ITGA9: variants seen among roughly 807,000 people sequenced by gnomAD.
The protein encoded by ITGA9 is integrin subunit alpha 9, also known as integrin alpha-9.
A neutral mutation model predicts 127.8 loss-of-function variants in ITGA9; 56 were observed. The ratio of observed to expected loss-of-function variants is 0.44; its 90% CI spans 0.35 to 0.55. The LOEUF is 0.55. Ranked by LOEUF, ITGA9 falls within the 20% of genes least tolerant of loss-of-function variation. ITGA9 has a pLI of 0.00. For missense variants in ITGA9, 1,196 were observed against 1,347.1 expected (o/e 0.89, Z 1.76); for synonymous variants, 508 against 514.5 (o/e 0.99, Z 0.17).
chr3:37,457,616 T>G (rs1698275074), intron 1 of ITGA9, among the ~76,000 whole-genome samples: 1 of 152,182 alleles, frequency 6.6e-6, no homozygotes, highest in African/African-American at 2.4e-5. Context: ...GAAATGGCAT[T>G]TTCAGACATT....
chr3:37,483,031 G>A (rs1321198564), intron 4 of ITGA9, among the ~76,000 whole-genome samples: 2 of 152,120 alleles, frequency 1.3e-5, no homozygotes, highest in East Asian at 3.9e-4. Flanking sequence ...TTTTCCTAAG[G>A]AAGAAAAAGG....
chr3:37,524,710 A>T (rs893390413), intron 12 of ITGA9, among the ~76,000 whole-genome samples: 4 of 152,098 alleles, frequency 2.6e-5, no homozygotes, highest in Non-Finnish European at 4.4e-5. Context: ...TCCCCACTTT[A>T]TAAACAAGGA....
chr3:37,472,194 T>C (rs552083381), intron 2 of ITGA9, among the ~76,000 whole-genome samples: 1 of 152,342 alleles, frequency 6.6e-6, no homozygotes, highest in South Asian at 2.1e-4. Context: ...TGGGCCTCAG[T>C]TCCCTCACCT....
At chr3:37,751,527 A>T (rs1369641857) in intron 23 of ITGA9, among the ~76,000 whole-genome samples, 1 of 152,108 alleles carries the variant, frequency 6.6e-6, no homozygotes, top group Non-Finnish European at 1.5e-5. Context: ...GGGCAAAATC[A>T]TCTATTGACC....
chr3:37,818,969 T>C lies in ITGA9; in HGVS notation c.3088T>C (p.Trp1030Arg). Residue 1030 changes from tryptophan to arginine, a missense_variant, in exon 28 of 28, where the codon TGG (tryptophan) becomes CGG (arginine). Transcript: ENST00000264741. ...GAAAGAGAATGAAGACAGTTGGGAC[T>C]GGGTCCAGAAAAACCAGTGAGCTGC... ...NRKENEDSWD[W>R]VQKNQ 1 of 1,613,830 alleles carries C rather than the reference T, an allele frequency of 6.2e-7. No individual in the cohort carries two copies. Among genetic ancestry groups the C allele is most frequent in the Non-Finnish European group, 8.5e-7 (1 of 1,179,672 alleles).
At chr3:37,484,380 C>T (rs1684281268) in intron 4 of ITGA9, among the ~76,000 whole-genome samples, 1 of 152,110 alleles carries the variant, frequency 6.6e-6, no homozygotes, top group Admixed American at 6.5e-5. Flanking sequence ...TGAGAGGGCT[C>T]TTGTCTGTGC....
intron 17 of ITGA9, among the ~76,000 whole-genome samples, chr3:37,664,036 G>A (rs1378603047): frequency 2.0e-5 from 3 of 152,212 alleles, no homozygotes; most frequent in East Asian, 1.9e-4. Context: ...CTGAGGCGGT[G>A]CAGAGGCTCA....
At position 37,732,777 on chromosome 3, in the gene ITGA9, T is replaced by G. The variant is rs1382524553; in HGVS notation, c.2133T>G (p.Pro711=). The change falls in exon 19 of 28, where the codon CCT becomes CCG. Residue 711 remains proline (P), a synonymous_variant. Transcript: ENST00000264741. ...SDFLKCSVGF[P]FMRSKSKYEF... ...TCCTCAAATGCAGCGTGGGATTTCC[T>G]TTCATGAGGTCAAAGTCAAAGGTAA... 6.2e-7 allele frequency: 1 copy of G among 1,610,826 alleles called. No individual in the cohort carries two copies. Among genetic ancestry groups the G allele is most frequent in the East Asian group, 2.2e-5 (1 of 44,804 alleles).
chr3:37,775,209 C>G (rs1696892046), intron 23 of ITGA9, among the ~76,000 whole-genome samples: 1 of 152,182 alleles, frequency 6.6e-6, no homozygotes, highest in Admixed American at 6.5e-5. Flanking sequence ...GGGCAAAGGA[C>G]ATGAACAGAC....
chr3:37,732,564 G>C (rs1466688737), intron 18 of ITGA9, 148 bp from the exon 19 acceptor site: 2 of 700,474 alleles, frequency 2.9e-6, no homozygotes. Flanking sequence ...GCTGGAAGGG[G>C]GCTGGAGACG....
intron 16 of ITGA9, among the ~76,000 whole-genome samples, chr3:37,642,873 T>C (rs371206047): frequency 1.3e-5 from 2 of 152,354 alleles, no homozygotes; most frequent in African/African-American, 4.8e-5. Context: ...ATATAGCTCA[T>C]GCTATGGAAA....
In ITGA9 at chr3:37,741,798, A is replaced by G; in HGVS notation, c.2303A>G (p.Glu768Gly). ...TLVLMVPLMH[E>G]VDTSITGIMS... Reference sequence around the variant, plus strand: ...GTGCTGATGGTGCCACTGATGCACGAGGTGGACACGTCCATCACCGGGTGA... The same window carrying G: ...GTGCTGATGGTGCCACTGATGCACGGGGTGGACACGTCCATCACCGGGTGA... The change falls in exon 21 of 28, where the codon GAG (glutamate) becomes GGG (glycine). Residue 768 changes from glutamate to glycine, a missense_variant. Transcript: ENST00000264741. The G allele has an allele frequency of 6.2e-7, 1 of 1,613,664 alleles. No homozygotes were observed. Among genetic ancestry groups the G allele is most frequent in the Non-Finnish European group, 8.5e-7 (1 of 1,179,810 alleles).
intron 18 of ITGA9, among the ~76,000 whole-genome samples, chr3:37,730,459 G>A (rs1034747676): frequency 5.3e-5 from 8 of 152,208 alleles, no homozygotes; most frequent in Admixed American, 1.3e-4. Flanking sequence ...CAGCATTTGA[G>A]AAATTATTCT....
intron 14 of ITGA9, among the ~76,000 whole-genome samples, chr3:37,539,581 C>T (rs371564846): frequency 3.2e-4 from 48 of 152,262 alleles, no homozygotes; most frequent in African/African-American, 8.4e-4. Flanking sequence ...GTCTTTTTCT[C>T]TTAAAACCTT....
At chr3:37,481,440 T>C in intron 3 of ITGA9, 44 bp from the exon 4 acceptor site, 3 of 1,613,968 alleles carry the variant, frequency 1.9e-6, no homozygotes, top group Non-Finnish European at 2.5e-6. Context: ...TTGTGATCTT[T>C]TGGGGCCAAC....
rs142304250 is a variant in ITGA9, at chr3:37,743,026, T to C, written c.2325-900T>C. 9.2e-5 allele frequency among the ~76,000 whole-genome samples: 14 copies of C among 152,246 alleles called. No homozygotes were observed. In the East Asian group the frequency reaches 2.5e-3, roughly 27 times the overall value. On this transcript the variant is annotated intron_variant, in intron 21 of 27. Transcript: ENST00000264741. ...CCCACCACCCCCAGACACTTGATCA[T>C]GTAATCAGTCCTTAGAGGACCTTGT...
intron 17 of ITGA9, among the ~76,000 whole-genome samples, chr3:37,666,825 C>G (rs1449313721): frequency 1.3e-5 from 2 of 152,176 alleles, no homozygotes; most frequent in African/African-American, 4.8e-5. Flanking sequence ...TCCCCTGCTC[C>G]CACAGTGGAT....
intron 3 of ITGA9, among the ~76,000 whole-genome samples, chr3:37,478,711 A>G (rs1000880562): frequency 2.0e-5 from 3 of 152,216 alleles, no homozygotes; most frequent in Non-Finnish European, 4.4e-5. Context: ...GTGTGTATAT[A>G]TAATGATAAT....
chr3:37,490,863 A>G (rs1021805686), intron 4 of ITGA9, among the ~76,000 whole-genome samples: 7 of 151,998 alleles, frequency 4.6e-5, no homozygotes, highest in African/African-American at 1.7e-4. Flanking sequence ...AAGTAATTCA[A>G]ACCCACCCAT....
Sources: allele counts gnomAD v4.1 joint callset (sites outside exome capture counted in the v4.1 genomes callset), GRCh38; gene constraint gnomAD v4.1.1; transcripts MANE v1.5; gene names NCBI Gene and HGNC (gene_info 2026-07-23, HGNC 2026-07-21).